Variants in ASCC3 observed in about 807,000 individuals in gnomAD.
The protein encoded by ASCC3 is activating signal cointegrator 1 complex subunit 3, also known as ASC-1 complex subunit P200.
A neutral mutation model predicts 256.3 loss-of-function variants in ASCC3; 158 were observed. The observed-to-expected ratio is 0.62, with a 90% CI of 0.54 to 0.70. The LOEUF (loss-of-function observed/expected upper bound fraction) is 0.70, where lower values mean the gene tolerates loss of function less well. Ranked by LOEUF, ASCC3 falls within the 30% of genes least tolerant of loss-of-function variation. ASCC3 has a pLI of 0.00. For missense variants in ASCC3, 2,259 were observed against 2,626.0 expected, an observed-to-expected ratio of 0.86 and a Z score of 3.05; for synonymous variants, 948 against 883.4, an observed-to-expected ratio of 1.07 and a Z score of -1.30.
intron 8 of ASCC3, among the ~76,000 whole-genome samples, chr6:100,787,265 GA>G (rs1231156350): frequency 6.6e-5 from 10 of 152,162 alleles, no homozygotes; most frequent in Admixed American, 6.6e-4. Context: ...TGAACAATTA[GA>G]GGTTGAATTT....
At chr6:100,695,718 C>G (rs969945016) in intron 13 of ASCC3, among the ~76,000 whole-genome samples, 1 of 152,046 alleles carries the variant, frequency 6.6e-6, no homozygotes, top group Admixed American at 6.6e-5. Flanking sequence ...TTTTTTCTCT[C>G]CTCTCTTTCT....
Position 100,874,374 on chromosome 6 carries a change from G to A in ASCC3, c.-41-6336C>T, listed in dbSNP as rs1773890462. On this transcript the variant is annotated intron_variant, in intron 1 of 41. Transcript: ENST00000369162. ...CCAGCTACTAAGGAGGCTGAGGCAGGAGAATCACTTCAACCCGGGAGGCAG... is the reference window on the plus strand; with the variant it reads ...CCAGCTACTAAGGAGGCTGAGGCAGAAGAATCACTTCAACCCGGGAGGCAG... 2.0e-5 allele frequency among the ~76,000 whole-genome samples: 3 copies of A among 148,208 alleles called. No homozygotes were observed. The Admixed American group carries it at 2.1e-4, about 10-fold the overall frequency.
At position 100,627,863 on chromosome 6, in the gene ASCC3, A is replaced by G. The variant is rs369070772; in HGVS notation, c.4500T>C (p.Ala1500=). ...STALANARDL[A]DWLNIKQMGL... ...ATACCTGCTTAATATTGAGCCAATC[A>G]GCAAGGTCTCTGGCATTAGCTAATG... The change falls in exon 28 of 42, where the codon GCT becomes GCC. Residue 1500 remains alanine (A), a synonymous_variant. Coordinates refer to ENST00000369162, the MANE Select transcript of ASCC3 (RefSeq NM_006828.4). 760 of 1,613,774 alleles carry G rather than the reference A, an allele frequency of 4.7e-4. No individual in the cohort carries two copies. The highest frequency in any genetic ancestry group is 6.1e-4 in the Non-Finnish European group (725 of 1,179,816).
At chr6:100,861,669 A>T (rs533565543) in intron 3 of ASCC3, among the ~76,000 whole-genome samples, 1 of 152,280 alleles carries the variant, frequency 6.6e-6, no homozygotes, top group Non-Finnish European at 1.5e-5. Flanking sequence ...GAATTTGCCT[A>T]CATCCAACTT....
At chr6:100,730,674 A>G (rs1694513697) in intron 10 of ASCC3, among the ~76,000 whole-genome samples, 1 of 152,236 alleles carries the variant, frequency 6.6e-6, no homozygotes, top group Non-Finnish European at 1.5e-5. Flanking sequence ...CCATAAACAT[A>G]CATATAATTA....
At chr6:100,617,065 C>G (rs536524149) in intron 30 of ASCC3, among the ~76,000 whole-genome samples, 2 of 152,090 alleles carry the variant, frequency 1.3e-5, no homozygotes, top group African/African-American at 2.4e-5. Flanking sequence ...AGTGCAGTGG[C>G]GCGATCTTGG....
chr6:100,846,530 G>A (rs1321289584), intron 4 of ASCC3, among the ~76,000 whole-genome samples: 2 of 152,116 alleles, frequency 1.3e-5, no homozygotes, highest in Non-Finnish European at 2.9e-5. Flanking sequence ...ACTTCAGTGT[G>A]GCTTGTCATA....
intron 25 of ASCC3, among the ~76,000 whole-genome samples, chr6:100,634,537 C>A (rs1227134824): frequency 6.6e-6 from 1 of 152,022 alleles, no homozygotes; most frequent in Non-Finnish European, 1.5e-5. Flanking sequence ...TTACACAACT[C>A]AATAGCAGAT....
chr6:100,723,632 T>C (rs1353217838), intron 11 of ASCC3, among the ~76,000 whole-genome samples: 2 of 151,080 alleles, frequency 1.3e-5, no homozygotes, highest in South Asian at 2.1e-4. Flanking sequence ...ATATAAAGAA[T>C]TGATATCTAA....
rs769179619 is a variant in ASCC3, at chr6:100,647,295, T to A, written c.3409A>T (p.Ile1137Phe). ...TTTTTTTCTTCTAATCTTGTTAGGA[T>A]GTGTGGTGGTAGGATTGAAAATTGT... ...LRQFSILPPH[I>F]LTRLEEKKLT... The change falls in exon 21 of 42, where the codon ATC becomes TTC. Residue 1137 changes from isoleucine (I) to phenylalanine (F), a missense_variant. Physicochemically the swap from Ile to Phe is conservative, Grantham distance 21. Around this residue, in one of 2 missense-constraint regions of ASCC3, gnomAD observed 1,839 missense variants for 2,206.7 expected, o/e 0.83. Coordinates refer to ENST00000369162, the MANE Select transcript of ASCC3 (RefSeq NM_006828.4). 5.6e-6 allele frequency: 9 copies of A among 1,613,950 alleles called. No individual in the cohort carries two copies. Among genetic ancestry groups the A allele is most frequent in the Non-Finnish European group, 7.6e-6 (9 of 1,179,978 alleles).
At chr6:100,761,135 GA>G (rs1781400136) in intron 10 of ASCC3, among the ~76,000 whole-genome samples, 1 of 152,116 alleles carries the variant, frequency 6.6e-6, no homozygotes, top group South Asian at 2.1e-4. Context: ...AATTTGAATG[GA>G]GTGAATTTCT....
intron 4 of ASCC3, among the ~76,000 whole-genome samples, chr6:100,840,558 T>C (rs996524794): frequency 1.3e-5 from 2 of 151,400 alleles, no homozygotes; most frequent in Admixed American, 1.3e-4. Context: ...GAGTCTTTAT[T>C]GCAATGTTAT....
intron 10 of ASCC3, among the ~76,000 whole-genome samples, chr6:100,750,996 T>G (rs1780911878): frequency 6.6e-6 from 1 of 152,048 alleles, no homozygotes. Context: ...ATTTTACATA[T>G]TTGTGCTTAT....
intron 36 of ASCC3, among the ~76,000 whole-genome samples, chr6:100,573,421 C>G (rs1770697475): frequency 6.6e-6 from 1 of 152,042 alleles, no homozygotes; most frequent in Non-Finnish European, 1.5e-5. Flanking sequence ...TTTTAGAGTA[C>G]TTAAACTTTA....
chr6:100,647,830 C>T (rs1424252737), intron 20 of ASCC3, among the ~76,000 whole-genome samples: 2 of 151,548 alleles, frequency 1.3e-5, no homozygotes, highest in African/African-American at 4.9e-5. Context: ...ATTAAATTTA[C>T]AAGGCTATTT....
chr6:100,552,819 CAAGAAAAAGATAGAAA>C (rs1287878629), intron 36 of ASCC3, among the ~76,000 whole-genome samples: 1 of 151,396 alleles, frequency 6.6e-6, no homozygotes, highest in Admixed American at 6.6e-5. Context: ...CTATGAACCA[CAAGAAAAAGATAGAAA>C]ATATTATATA....
At chr6:100,636,689 A>T (rs1184343712) in intron 25 of ASCC3, among the ~76,000 whole-genome samples, 1 of 152,228 alleles carries the variant, frequency 6.6e-6, no homozygotes, top group South Asian at 2.1e-4. Flanking sequence ...TTCTTGAAGG[A>T]AATGAAAAGT....
intron 25 of ASCC3, among the ~76,000 whole-genome samples, chr6:100,634,101 T>G (rs1461200895): frequency 6.6e-6 from 1 of 152,190 alleles, no homozygotes; most frequent in African/African-American, 2.4e-5. Flanking sequence ...ATTTCTTGTT[T>G]TACTTTTTAT....
At chr6:100,706,615 C>T (rs536286844) in intron 13 of ASCC3, among the ~76,000 whole-genome samples, 2 of 152,022 alleles carry the variant, frequency 1.3e-5, no homozygotes, top group African/African-American at 4.8e-5. Context: ...GTCGTGCTTT[C>T]CAAGTACCTA....
Sources: gnomAD v4.1 joint callset for allele counts (sites outside exome capture counted in the v4.1 genomes callset) on GRCh38, gnomAD v4.1.1 for gene constraint, gnomAD v4.1.1 regional missense constraint, MANE v1.5 for transcripts, NCBI Gene and HGNC (gene_info 2026-07-23, HGNC 2026-07-21) for gene names.